Variants in LGALS8 observed in about 807,000 individuals in gnomAD.
LGALS8 encodes the protein galectin-8.
Under a neutral mutation model 35.9 loss-of-function variants are expected in LGALS8, and 30 were observed. The observed-to-expected ratio is 0.83, with a 90% CI of 0.62 to 1.13. The LOEUF is 1.13. Among genes scored for constraint, LGALS8 ranks in the 50% most tolerant of loss-of-function variants. The probability of loss-of-function intolerance (pLI) is 0.00; values close to 1 mark genes in which losing one functional copy is unlikely to be tolerated. For synonymous variants in LGALS8, 138 were observed against 136.1 expected (o/e 1.01, Z -0.10); for missense variants, 366 against 388.7 (o/e 0.94, Z 0.49).
At chr1:236,541,016 C>T (rs1325024155) in intron 5 of LGALS8, among the ~76,000 whole-genome samples, 1 of 152,212 alleles carries the variant, frequency 6.6e-6, no homozygotes, top group Non-Finnish European at 1.5e-5. Flanking sequence ...AGAGCACAGT[C>T]ATGTGTTGCA....
chr1:236,548,485 C>A lies in LGALS8; in HGVS notation c.*324C>A. Reference sequence around the variant, plus strand: ...TACAGTAGCTAACATGTATTGAGCACAGATTTTTTTTGGTAAAACTGTGAA... The same window carrying A: ...TACAGTAGCTAACATGTATTGAGCAAAGATTTTTTTTGGTAAAACTGTGAA... On this transcript the variant is annotated 3_prime_UTR_variant, in exon 10 of 10. Transcript: ENST00000366584. 1 of 295,708 alleles carries A rather than the reference C, an allele frequency of 3.4e-6. No individual in the cohort carries two copies. The highest frequency in any genetic ancestry group is 6.3e-6 in the Non-Finnish European group (1 of 159,748). 18.3% of individuals were successfully genotyped at this position (295,708 alleles called of 1,614,324 possible).
intron 2 of LGALS8, among the ~76,000 whole-genome samples, chr1:236,529,623 T>G (rs763722920): frequency 2.9e-3 from 35 of 12,160 alleles, no homozygotes; most frequent in Admixed American, 8.0e-3. Context: ...TCCTTTTCTG[T>G]TTTTTTTTTT....
chr1:236,519,948 ATTTT>A (rs35589317), upstream of LGALS8, among the ~76,000 whole-genome samples: 4,704 of 109,374 alleles, frequency 0.043, 110 homozygotes, highest in Middle Eastern at 0.1. Context: ...GTTTTGTACA[ATTTT>A]TTTTTTTTTT....
At chr1:236,543,359 A>G in intron 7 of LGALS8, 1 of 693,164 alleles carries the variant, frequency 1.4e-6, no homozygotes, top group Non-Finnish European at 2.6e-6. Context: ...CATCGTCTAA[A>G]ATGTAATCAT....
At chr1:236,547,069 CAT>C (rs1237472788) in intron 9 of LGALS8, among the ~76,000 whole-genome samples, 1 of 152,202 alleles carries the variant, frequency 6.6e-6, no homozygotes, top group African/African-American at 2.4e-5. Flanking sequence ...TTTTGTGCTT[CAT>C]TCTGGCCTCT....
Position 236,551,052 on chromosome 1 carries a change from A to G in LGALS8, c.*2891A>G. On this transcript the variant is annotated 3_prime_UTR_variant, in exon 10 of 10. Coordinates refer to ENST00000366584, the MANE Select transcript of LGALS8 (RefSeq NM_201544.4). ...AGTCAGTCCGCCTGCCTCGGTTCTCATTAGTTTAATTCTTAATGCCTTGCA... is the reference window on the plus strand; with the variant it reads ...AGTCAGTCCGCCTGCCTCGGTTCTCGTTAGTTTAATTCTTAATGCCTTGCA... 7.8e-7 allele frequency: 1 copy of G among 1,274,150 alleles called. No individual in the cohort carries two copies. Among genetic ancestry groups the G allele is most frequent in the South Asian group, 1.4e-5 (1 of 73,298 alleles). 78.9% of individuals were successfully genotyped at this position (1,274,150 alleles called of 1,614,324 possible). A position where few individuals can be genotyped will look rare whatever the true frequency, so the allele number is the denominator to read the frequency against.
At chr1:236,538,835 CCTTT>C (rs1456584230) in intron 3 of LGALS8, 40 bp from the exon 4 acceptor site, 3 of 1,466,504 alleles carry the variant, frequency 2.0e-6, no homozygotes, top group Non-Finnish European at 1.9e-6. Context: ...TGGTGGCTTT[CCTTT>C]CTGAGCACTC....
rs1056955699 is a variant in LGALS8, at chr1:236,543,323, A to T, written c.550-237A>T. On this transcript the variant is annotated intron_variant, in intron 7 of 9. Coordinates refer to ENST00000366584, the MANE Select transcript of LGALS8 (RefSeq NM_201544.4). ...GGCGTGTTTCACTCATACAGAGGGC[A>T]TCGGGTCCCACCCTGTCACTCATTT... 1.8e-5 allele frequency: 12 copies of T among 663,348 alleles called. 1 individual carries two copies. The South Asian group carries it at 2.0e-4, about 11-fold the overall frequency. 41.1% of individuals were successfully genotyped at this position (663,348 alleles called of 1,614,324 possible). A position where few individuals can be genotyped will look rare whatever the true frequency, so the allele number is the denominator to read the frequency against.
chr1:236,531,041 T>C (rs1417778822), intron 2 of LGALS8, among the ~76,000 whole-genome samples: 1 of 152,238 alleles, frequency 6.6e-6, no homozygotes, highest in African/African-American at 2.4e-5. Flanking sequence ...CCGTATAAAC[T>C]GTTTTCTACC....
At position 236,541,727 on chromosome 1, in the gene LGALS8, T is replaced by C; in HGVS notation, c.522+17T>C. ...AGAGAAAATGTAAATATTAAATCTTTTAATGAGCCACTGGTTTAAAAATGT... is the reference window on the plus strand; with the variant it reads ...AGAGAAAATGTAAATATTAAATCTTCTAATGAGCCACTGGTTTAAAAATGT... On this transcript the variant is annotated intron_variant, in intron 6 of 9. Coordinates refer to ENST00000366584, the MANE Select transcript of LGALS8 (RefSeq NM_201544.4). 7.5e-7 allele frequency: 1 copy of C among 1,339,446 alleles called. No homozygotes were observed. Among genetic ancestry groups the C allele is most frequent in the Admixed American group, 2.1e-5 (1 of 46,608 alleles). 83.0% of individuals were successfully genotyped at this position (1,339,446 alleles called of 1,614,324 possible). A position where few individuals can be genotyped will look rare whatever the true frequency, so the allele number is the denominator to read the frequency against.
rs1178974585 is a variant in LGALS8, at chr1:236,551,928, G to A, written c.*3767G>A. The A allele has an allele frequency of 1.0e-6, 1 of 982,308 alleles. No homozygotes were observed. Among genetic ancestry groups the A allele is most frequent in the African/African-American group, 1.6e-5 (1 of 62,570 alleles). 60.8% of individuals were successfully genotyped at this position (982,308 alleles called of 1,614,324 possible). A position where few individuals can be genotyped will look rare whatever the true frequency, so the allele number is the denominator to read the frequency against. On this transcript the variant is annotated 3_prime_UTR_variant, in exon 10 of 10. Coordinates refer to ENST00000366584, the MANE Select transcript of LGALS8 (RefSeq NM_201544.4). ...TATATCCAAATCTGCATTATCATTG[G>A]GCACATTTTCACAGAATTTTACTGA...
At chr1:236,528,833 T>G (rs1660979306) in intron 2 of LGALS8, among the ~76,000 whole-genome samples, 1 of 152,224 alleles carries the variant, frequency 6.6e-6, no homozygotes, top group East Asian at 1.9e-4. Context: ...TTTCTAATAT[T>G]TTGGTCCACA....
chr1:236,522,960 G>A (rs555578828), upstream of LGALS8: 3 of 152,306 alleles, frequency 2.0e-5, no homozygotes, highest in South Asian at 2.1e-4. Flanking sequence ...GAAAGCCCAC[G>A]TTAATGACAC....
intron 2 of LGALS8, among the ~76,000 whole-genome samples, chr1:236,529,768 C>T (rs1661044416): frequency 6.6e-6 from 1 of 151,330 alleles, no homozygotes; most frequent in South Asian, 2.1e-4. Flanking sequence ...CCTGCCTCAG[C>T]CTCCCGAGTA....
At chr1:236,540,337 G>C in intron 4 of LGALS8, 1 of 447,272 alleles carries the variant, frequency 2.2e-6, no homozygotes, top group Non-Finnish European at 3.9e-6. Flanking sequence ...TGTTTGTCTG[G>C]GGAGAGACAG....
Position 236,524,072 on chromosome 1 carries a change from C to A in LGALS8, c.-104+11C>A. The stretch of plus-strand genomic sequence containing the variant: ...AACACCAGTCTTTGGGTGAGTCGCG[C>A]GACCCCCGGCCTCGGGTGGCGGGGC... On this transcript the variant is annotated intron_variant, in intron 1 of 9. Transcript: ENST00000366584. 1 of 454,764 alleles carries A rather than the reference C, an allele frequency of 2.2e-6. No homozygotes were observed. Among genetic ancestry groups the A allele is most frequent in the South Asian group, 1.6e-5 (1 of 64,422 alleles). The allele number at this position is 454,764 out of a possible 1,614,324, so 28.2% of individuals were successfully genotyped here.
intron 8 of LGALS8, among the ~76,000 whole-genome samples, chr1:236,544,442 C>A (rs1662229441): frequency 6.6e-6 from 1 of 152,240 alleles, no homozygotes; most frequent in African/African-American, 2.4e-5. Flanking sequence ...GGATCCCAGG[C>A]TCCTGCAGCC....
chr1:236,545,795 G>T (rs2799406), intron 9 of LGALS8, among the ~76,000 whole-genome samples: 2 of 151,970 alleles, frequency 1.3e-5, no homozygotes, highest in South Asian at 2.1e-4. Flanking sequence ...ATATTGGTTT[G>T]GAATTCAGAA....
intron 3 of LGALS8, among the ~76,000 whole-genome samples, chr1:236,538,484 T>C (rs971733406): frequency 3.3e-5 from 5 of 152,212 alleles, no homozygotes; most frequent in Non-Finnish European, 7.3e-5. Context: ...TTTGGGTAGC[T>C]GGATGGGTGC....
Sources: allele counts gnomAD v4.1 joint callset (sites outside exome capture counted in the v4.1 genomes callset), GRCh38; gene constraint gnomAD v4.1.1; transcripts MANE v1.5; gene names NCBI Gene and HGNC (gene_info 2026-07-23, HGNC 2026-07-21).